Variants in HSF2BP observed in about 807,000 individuals in gnomAD.
The protein encoded by HSF2BP is heat shock transcription factor 2 binding protein, also known as heat shock factor 2-binding protein.
HSF2BP carries 35 observed loss-of-function variants against 35.0 expected under a neutral mutation model. The ratio of observed to expected loss-of-function variants is 1.00; its 90% CI spans 0.76 to 1.32. The LOEUF is 1.32. Ranked by LOEUF, HSF2BP falls within the 40% of genes most tolerant of loss-of-function variation. The pLI, the probability that HSF2BP is intolerant of heterozygous loss-of-function variation, is 0.00. For missense variants in HSF2BP, 326 were observed against 321.7 expected, an observed-to-expected ratio of 1.01 and a Z score of -0.10; for synonymous variants, 114 against 117.4, an observed-to-expected ratio of 0.97 and a Z score of 0.18.
At chr21:43,467,639 G>A in the HSF2BP span, among the ~76,000 whole-genome samples, 5 of 151,488 alleles carry the variant, frequency 3.3e-5, no homozygotes. Context: ...AGGGGCCGGG[G>A]TCTGAGCCCT....
intron 6 of HSF2BP, among the ~76,000 whole-genome samples, chr21:43,620,124 A>G (rs2082315263): frequency 6.6e-6 from 1 of 152,244 alleles, no homozygotes; most frequent in Admixed American, 6.5e-5. Flanking sequence ...TATCCAATAA[A>G]AAACAAAATA....
At chr21:43,648,709 C>T (rs17004593) in intron 3 of HSF2BP, among the ~76,000 whole-genome samples, 6,239 of 152,256 alleles carry the variant, frequency 0.041, 437 homozygotes, top group African/African-American at 0.14. Flanking sequence ...TTCTCAAGTT[C>T]TTATTTCTAC....
chr21:43,610,639 T>G (rs529386856), intron 7 of HSF2BP, among the ~76,000 whole-genome samples: 2 of 152,152 alleles, frequency 1.3e-5, no homozygotes, highest in African/African-American at 4.8e-5. Context: ...TCTCTCCATA[T>G]ACACATATAT....
intron 4 of HSF2BP, among the ~76,000 whole-genome samples, chr21:43,640,759 A>G (rs1312536149): frequency 1.3e-5 from 2 of 151,978 alleles, no homozygotes; most frequent in Non-Finnish European, 2.9e-5. Flanking sequence ...ACACAAAAAA[A>G]TTTTTTTGTT....
intron 8 of HSF2BP, among the ~76,000 whole-genome samples, chr21:43,591,475 C>T (rs1035055093): frequency 2.6e-5 from 4 of 152,184 alleles, no homozygotes; most frequent in African/African-American, 9.7e-5. Flanking sequence ...GTTGTAGGGA[C>T]ACCAGTAAAT....
intron 4 of HSF2BP, among the ~76,000 whole-genome samples, chr21:43,636,894 CAAAAA>C (rs34578952): frequency 4.5e-5 from 5 of 112,060 alleles, no homozygotes; most frequent in African/African-American, 9.7e-5. Flanking sequence ...CGTCTCAAAA[CAAAAA>C]AAAAAAAAAA....
intron 3 of HSF2BP, among the ~76,000 whole-genome samples, chr21:43,646,860 G>C (rs2147093805): frequency 6.6e-6 from 1 of 152,298 alleles, no homozygotes; most frequent in South Asian, 2.1e-4. Flanking sequence ...TGGGAGCATT[G>C]CTGCTGCCTC....
rs1358024783 is a variant in HSF2BP at position 43,613,843 on chromosome 21, T to C, written c.679A>G (p.Thr227Ala). ...LLGDLKPGQC[T>A]KLKVLMLMSL... ...TATCCACCATACACTTTGAGTTTGG[T>C]ACACTGTCCTGGCTTCAAGTCTCCC... The change falls in exon 7 of 9, where the codon ACC becomes GCC. Residue 227 changes from threonine to alanine, a missense_variant. By Grantham distance (58) the Thr-to-Ala change is moderately conservative. Transcript: ENST00000291560. 4 of 1,611,404 alleles carry C rather than the reference T, an allele frequency of 2.5e-6. No individual in the cohort carries two copies. The highest frequency in any genetic ancestry group is 2.2e-5 in the South Asian group (2 of 91,002).
the HSF2BP span, among the ~76,000 whole-genome samples, chr21:43,467,574 G>A: frequency 7.4e-4 from 110 of 149,318 alleles, no homozygotes; most frequent in African/African-American, 2.5e-3. Context: ...CGTCCAGCCC[G>A]TCAGAAATCC....
intron 6 of HSF2BP, among the ~76,000 whole-genome samples, chr21:43,620,349 T>C (rs1009550624): frequency 1.3e-5 from 2 of 152,188 alleles, no homozygotes; most frequent in African/African-American, 4.8e-5. Flanking sequence ...CAAGATAACA[T>C]AGAAAAGTAA....
chr21:43,658,130 G>A lies in HSF2BP; in HGVS notation c.-34C>T. On this transcript the variant is annotated 5_prime_UTR_variant, in exon 2 of 9. It adds an upstream start codon to the 5' untranslated region. Transcript: ENST00000291560. ...CCGCCTCCGCTCCGTTCGCCTGAGC[G>A]TCGGCGCGCCCTCTGACCCCTCACG... 2 of 1,512,010 alleles carry A rather than the reference G, an allele frequency of 1.3e-6. No homozygotes were observed. Among genetic ancestry groups the A allele is most frequent in the Admixed American group, 2.1e-5 (1 of 47,182 alleles). The allele number at this position is 1,512,010 out of a possible 1,614,324, so 93.7% of individuals were successfully genotyped here.
Position 43,605,086 on chromosome 21 carries a change from CACA to C in HSF2BP, c.692+8741_692+8743del, listed in dbSNP as rs554766756. On this transcript the variant is annotated intron_variant, in intron 7 of 8. Coordinates refer to ENST00000291560, the MANE Select transcript of HSF2BP (RefSeq NM_007031.2). ...CACACACATCACACGTACCACATAA[CACA>C]ACACACATACATCACACACATCACA... Among the ~76,000 whole-genome samples, 228 of 148,428 alleles carry C rather than the reference CACA, an allele frequency of 1.5e-3. 1 individual carries two copies. The highest frequency in any genetic ancestry group is 5.3e-3 in the African/African-American group (214 of 40,138).
At position 43,633,364 on chromosome 21, in the gene HSF2BP, C is replaced by T. The variant is rs948162602; in HGVS notation, c.349G>A (p.Ala117Thr). The part of the protein sequence containing the change: ...NEAKQQLLQQ[A>T]EYCTEMGAAA... ...GCTCCCATTTCTGTACAATACTCTGCCTGCTGCAGGAGTTGCTGCTTCGCT... is the reference window on the plus strand; with the variant it reads ...GCTCCCATTTCTGTACAATACTCTGTCTGCTGCAGGAGTTGCTGCTTCGCT... The change falls in exon 5 of 9, where the codon GCA (alanine) becomes ACA (threonine). Residue 117 changes from alanine (A) to threonine (T), a missense_variant. Ala to Thr is a moderately conservative substitution (Grantham distance 58). Coordinates refer to ENST00000291560, the MANE Select transcript of HSF2BP (RefSeq NM_007031.2). 16 of 1,613,834 alleles carry T rather than the reference C, an allele frequency of 9.9e-6. No homozygotes were observed. The highest frequency in any genetic ancestry group is 1.4e-5 in the Non-Finnish European group (16 of 1,179,948).
Position 43,597,688 on chromosome 21 carries a change from T to C in HSF2BP, c.693-5360A>G, listed in dbSNP as rs1401299869. On this transcript the variant is annotated intron_variant, in intron 7 of 8. Coordinates refer to ENST00000291560, the MANE Select transcript of HSF2BP (RefSeq NM_007031.2). The surrounding 1 kb of genome is among the most constrained non-coding windows in gnomAD (Gnocchi z 4.3). ...GGCATGTGCCACCACACCCAGCTTA[T>C]TTTTTAATTTTTTGTATGAGGTCTT... Among the ~76,000 whole-genome samples, 1 of 152,112 alleles carries C rather than the reference T, an allele frequency of 6.6e-6. No homozygotes were observed. Among genetic ancestry groups the C allele is most frequent in the East Asian group, 1.9e-4 (1 of 5,192 alleles).
In HSF2BP at chr21:43,597,840, C is replaced by A. The variant is rs1012564793; in HGVS notation, c.693-5512G>T. On this transcript the variant is annotated intron_variant, in intron 7 of 8. Transcript: ENST00000291560. The surrounding 1 kb of genome is among the most constrained non-coding windows in gnomAD (Gnocchi z 4.3). ...CCCAAAATTTTAAATAAAGATGGAA[C>A]TGGTCACATACTGGAGCCTAAGGCA... Among the ~76,000 whole-genome samples the A allele has an allele frequency of 6.6e-6, 1 of 152,206 alleles. No homozygotes were observed. Among genetic ancestry groups the A allele is most frequent in the South Asian group, 2.1e-4 (1 of 4,826 alleles).
At position 43,633,271 on chromosome 21, in the gene HSF2BP, C is replaced by T; in HGVS notation, c.441+1G>A. The T allele has an allele frequency of 1.9e-6, 3 of 1,611,320 alleles. No individual in the cohort carries two copies. Among genetic ancestry groups the T allele is most frequent in the Non-Finnish European group, 2.5e-6 (3 of 1,179,210 alleles). On this transcript the variant is annotated splice_donor_variant, in intron 5 of 8. Coordinates refer to ENST00000291560, the MANE Select transcript of HSF2BP (RefSeq NM_007031.2). LOFTEE classifies it high-confidence loss of function. ...CTGGAGAGCCCACTGACCATACTTA[C>T]TCCTCCCAAAATGGCCTTGACGACT...
chr21:43,604,119 C>T (rs1331507391), intron 7 of HSF2BP, among the ~76,000 whole-genome samples: 5 of 151,888 alleles, frequency 3.3e-5, no homozygotes, highest in African/African-American at 9.7e-5. Context: ...GGAGCAGGAG[C>T]GCTGGAAATA....
At chr21:43,630,217 G>A (rs921343478) in intron 6 of HSF2BP, 105 bp downstream of exon 6, 30 of 1,044,616 alleles carry the variant, frequency 2.9e-5, no homozygotes, top group Non-Finnish European at 4.1e-5. Context: ...ATATGCACTG[G>A]GAAACCAAAA....
chr21:43,639,663 GAATCAC>G (rs1296565183), intron 4 of HSF2BP, among the ~76,000 whole-genome samples: 1 of 151,476 alleles, frequency 6.6e-6, no homozygotes, highest in Admixed American at 6.6e-5. Context: ...TGGAGAAAGT[GAATCAC>G]TCATACATTT....
Sources: allele counts gnomAD v4.1 joint callset (sites outside exome capture counted in the v4.1 genomes callset), GRCh38; gene constraint gnomAD v4.1.1; non-coding constraint Gnocchi (gnomAD v3.1); transcripts MANE v1.5; gene names NCBI Gene and HGNC (gene_info 2026-07-23, HGNC 2026-07-21).